Variants in NEB observed in about 807,000 individuals in gnomAD.
NEB encodes nemaline myopathy type 2.
NEB carries 512 observed loss-of-function variants against 952.2 expected under a neutral mutation model. That is an observed-to-expected ratio of 0.54 (90% CI 0.50 to 0.58). The LOEUF (loss-of-function observed/expected upper bound fraction) is 0.58, where lower values mean the gene tolerates loss of function less well. NEB is among the 20% of genes least tolerant of loss of function. The probability of loss-of-function intolerance (pLI) is 0.00; values close to 1 mark genes in which losing one functional copy is unlikely to be tolerated. For synonymous variants in NEB, 2,900 were observed against 3,149.8 expected (o/e 0.92, Z 2.66); for missense variants, 8,428 against 9,231.1 (o/e 0.91, Z 3.56).
intron 13 of NEB, among the ~76,000 whole-genome samples, chr2:151,704,507 G>A (rs1175335996): frequency 5.9e-5 from 9 of 151,842 alleles, no homozygotes; most frequent in Admixed American, 2.0e-4. Flanking sequence ...CTAGCAATCA[G>A]CGAGACTCCG....
At chr2:151,517,052 C>T (rs368695432) in intron 156 of NEB, among the ~76,000 whole-genome samples, 30 of 152,124 alleles carry the variant, frequency 2.0e-4, no homozygotes, top group African/African-American at 7.2e-4. Context: ...TATAAGTAAA[C>T]AACTCTATGT....
At chr2:151,628,113 G>A (rs957148421) in intron 68 of NEB, among the ~76,000 whole-genome samples, 1 of 152,162 alleles carries the variant, frequency 6.6e-6, no homozygotes, top group Admixed American at 6.5e-5. Flanking sequence ...CCTATGGCTT[G>A]TAGACGTTAA....
intron 62 of NEB, 63 bp downstream of exon 62, chr2:151,639,794 T>C: frequency 1.5e-6 from 2 of 1,357,830 alleles, no homozygotes; most frequent in East Asian, 2.5e-5. Flanking sequence ...TCCTCATTAA[T>C]GTTTCTTTTT....
At chr2:151,560,552 A>AGGGGGGG in intron 124 of NEB, 40 bp downstream of exon 124, 1 of 1,044,236 alleles carries the variant, frequency 9.6e-7, no homozygotes, top group Non-Finnish European at 1.2e-6. Flanking sequence ...AGGGGAGGGG[A>AGGGGGGG]GGGAGGGTGG....
At chr2:151,631,602 T>C (rs987609985) in intron 65 of NEB, among the ~76,000 whole-genome samples, 1 of 152,142 alleles carries the variant, frequency 6.6e-6, no homozygotes, top group African/African-American at 2.4e-5. Flanking sequence ...GTTGGTTCAG[T>C]GAACATTATC....
chr2:151,681,620 G>C (rs573012090), intron 29 of NEB, among the ~76,000 whole-genome samples: 1 of 152,222 alleles, frequency 6.6e-6, no homozygotes, highest in Non-Finnish European at 1.5e-5. Flanking sequence ...ACAAAACACC[G>C]AACAAGAAGT....
chr2:151,619,513 T>A lies in NEB; in HGVS notation c.10810A>T (p.Ile3604Phe). 6.2e-7 allele frequency: 1 copy of A among 1,613,770 alleles called. No homozygotes were observed. Among genetic ancestry groups the A allele is most frequent in the Non-Finnish European group, 8.5e-7 (1 of 1,179,704 alleles). Residue 3604 changes from isoleucine to phenylalanine, a missense_variant, in exon 73 of 182, where the codon ATC (isoleucine) becomes TTC (phenylalanine). This residue lies in a region of NEB where 1,772 missense variants were observed against 1,960.3 expected (regional missense o/e 0.90). Coordinates refer to ENST00000397345, the MANE Select transcript of NEB (RefSeq NM_001164508.2). Reference protein sequence around the residue: ...VDYKHPLHEWICLPDQNDIIH... With the variant: ...VDYKHPLHEWFCLPDQNDIIH... The stretch of plus-strand genomic sequence containing the variant: ...ATGTCATTCTGGTCGGGCAGGCAGA[T>A]CCATTCATGCAGAGGATGTTTATAG...
intron 112 of NEB, 35 bp downstream of exon 112, chr2:151,568,281 T>G: frequency 6.2e-7 from 1 of 1,603,392 alleles, no homozygotes; most frequent in South Asian, 1.1e-5. Context: ...CCTCCACTCG[T>G]ACACAAACAC....
rs369915027 is a variant in NEB at position 151,694,633 on chromosome 2, G to C, written c.1675-4C>G. On this transcript the variant is annotated splice_polypyrimidine_tract_variant and splice_region_variant and intron_variant, in intron 18 of 181. Transcript: ENST00000397345. ...CCCAGTCTTGCTTATAAAGATTCTG[G>C]ACAAAAAAATTCAGCAAAGGAATTG... 1.4e-4 allele frequency: 223 copies of C among 1,571,646 alleles called. No individual in the cohort carries two copies. Among genetic ancestry groups the C allele is most frequent in the Non-Finnish European group, 1.8e-4 (206 of 1,157,212 alleles).
At chr2:151,659,035 A>G (rs1335648017) in intron 47 of NEB, 30 bp downstream of exon 47, 1 of 1,425,004 alleles carries the variant, frequency 7.0e-7, no homozygotes, top group African/African-American at 1.4e-5. Context: ...TGCTGGAGAG[A>G]AAGATGACAA....
chr2:151,722,756 C>A (rs2099778385), intron 9 of NEB, among the ~76,000 whole-genome samples: 1 of 152,040 alleles, frequency 6.6e-6, no homozygotes, highest in African/African-American at 2.4e-5. Context: ...GCTTTACTGC[C>A]CAGGCTGATC....
intron 64 of NEB, among the ~76,000 whole-genome samples, chr2:151,634,868 G>A (rs1411417003): frequency 6.6e-6 from 1 of 152,096 alleles, no homozygotes; most frequent in Non-Finnish European, 1.5e-5. Flanking sequence ...AAGGTCATGG[G>A]TTCTAGCCTC....
At position 151,642,758 on chromosome 2, in the gene NEB, T is replaced by A. The variant is rs1414342703; in HGVS notation, c.8265+7A>T. The stretch of plus-strand genomic sequence containing the variant: ...AATGTATCACGCACTATGAATATAT[T>A]ACTTACCTCACTGTAATTTACTTTG... On this transcript the variant is annotated splice_region_variant and intron_variant, in intron 59 of 181. Transcript: ENST00000397345. 3.7e-6 allele frequency: 6 copies of A among 1,606,246 alleles called. 1 individual carries two copies. In the South Asian group the frequency reaches 6.6e-5, roughly 18 times the overall value.
chr2:151,661,397 T>G (rs983393553), intron 46 of NEB, among the ~76,000 whole-genome samples: 2 of 152,174 alleles, frequency 1.3e-5, no homozygotes, highest in Non-Finnish European at 2.9e-5. Flanking sequence ...CATAATACAG[T>G]TCTATCTTTC....
chr2:151,630,856 T>C (rs1478952630), intron 66 of NEB, 37 bp from the exon 67 acceptor site: 1 of 1,503,710 alleles, frequency 6.7e-7, no homozygotes. Context: ...AAAAATCATT[T>C]GAAATAGAAA....
At chr2:151,559,596 G>A (rs907644886) in intron 124 of NEB, among the ~76,000 whole-genome samples, 1 of 152,186 alleles carries the variant, frequency 6.6e-6, no homozygotes, top group Non-Finnish European at 1.5e-5. Context: ...ATACACCATG[G>A]AATACTATGC....
intron 62 of NEB, 57 bp downstream of exon 62, chr2:151,639,800 T>C: frequency 2.1e-6 from 3 of 1,422,044 alleles, no homozygotes; most frequent in Non-Finnish European, 9.6e-7. Context: ...TTAATGTTTC[T>C]TTTTTGTTGA....
chr2:151,723,155 C>T (rs1424910759), intron 9 of NEB, among the ~76,000 whole-genome samples: 1 of 152,064 alleles, frequency 6.6e-6, no homozygotes, highest in Non-Finnish European at 1.5e-5. Context: ...TTCAGGTTTG[C>T]CACCTATAAG....
intron 157 of NEB, among the ~76,000 whole-genome samples, chr2:151,515,639 C>T (rs1205900036): frequency 1.3e-5 from 2 of 152,212 alleles, no homozygotes; most frequent in African/African-American, 4.8e-5. Context: ...AGCTGACTCA[C>T]AGAGGGGCTT....
Sources: gnomAD v4.1 joint callset for allele counts (sites outside exome capture counted in the v4.1 genomes callset) on GRCh38, gnomAD v4.1.1 for gene constraint, gnomAD v4.1.1 regional missense constraint, MANE v1.5 for transcripts, NCBI Gene and HGNC (gene_info 2026-07-23, HGNC 2026-07-21) for gene names.